Variants in GRIN2A observed in about 807,000 individuals in gnomAD.
GRIN2A encodes glutamate ionotropic receptor NMDA type subunit 2A.
Under a neutral mutation model 113.4 loss-of-function variants are expected in GRIN2A, and 22 were observed. That is an observed-to-expected ratio of 0.19 (90% CI 0.14 to 0.28). GRIN2A has a LOEUF of 0.28. Among genes scored for constraint, GRIN2A ranks in the 10% least tolerant of loss-of-function variants. The pLI, the probability that GRIN2A is intolerant of heterozygous loss-of-function variation, is 1.00. For synonymous variants in GRIN2A, 827 were observed against 738.4 expected, an observed-to-expected ratio of 1.12 and a Z score of -1.94; for missense variants, 1,502 against 1,887.0, an observed-to-expected ratio of 0.80 and a Z score of 3.78.
At chr16:10,119,910 G>T (rs1373599303) in intron 2 of GRIN2A, among the ~76,000 whole-genome samples, 2 of 152,166 alleles carry the variant, frequency 1.3e-5, no homozygotes, top group Non-Finnish European at 2.9e-5. Flanking sequence ...CAAAGTACAT[G>T]AGTTCATTCT....
intron 2 of GRIN2A, among the ~76,000 whole-genome samples, chr16:9,954,552 C>T (rs972890155): frequency 6.6e-5 from 10 of 152,306 alleles, no homozygotes; most frequent in East Asian, 1.9e-4. Flanking sequence ...CCATTAAACA[C>T]TCACCTCATT....
chr16:9,960,702 G>A (rs1567201741), intron 2 of GRIN2A, among the ~76,000 whole-genome samples: 1 of 152,178 alleles, frequency 6.6e-6, no homozygotes, highest in East Asian at 1.9e-4. Context: ...TCAGCTCCCT[G>A]CAACCTCTGC....
At chr16:9,956,210 G>A (rs2045306285) in intron 2 of GRIN2A, among the ~76,000 whole-genome samples, 1 of 152,064 alleles carries the variant, frequency 6.6e-6, no homozygotes, top group Admixed American at 6.5e-5. Flanking sequence ...CTGTCCTGTG[G>A]GCTTTCTTGT....
At chr16:9,993,237 A>G (rs554563493) in intron 2 of GRIN2A, among the ~76,000 whole-genome samples, 124 of 152,154 alleles carry the variant, frequency 8.1e-4, no homozygotes, top group Middle Eastern at 3.4e-3. Flanking sequence ...TGTCTCAAAA[A>G]TAAATAAATA....
At chr16:10,088,508 C>G (rs1487610623) in intron 2 of GRIN2A, among the ~76,000 whole-genome samples, 2 of 152,224 alleles carry the variant, frequency 1.3e-5, no homozygotes, top group Non-Finnish European at 2.9e-5. Flanking sequence ...TGCGGCATCT[C>G]TTAATCTGTG....
At chr16:10,114,237 T>C (rs1284811196) in intron 2 of GRIN2A, among the ~76,000 whole-genome samples, 2 of 152,086 alleles carry the variant, frequency 1.3e-5, no homozygotes, top group Non-Finnish European at 2.9e-5. Flanking sequence ...AAATCCTTCA[T>C]AAAACCACAC....
At chr16:10,056,397 C>T (rs1312597164) in intron 2 of GRIN2A, among the ~76,000 whole-genome samples, 2 of 152,268 alleles carry the variant, frequency 1.3e-5, no homozygotes, top group African/African-American at 4.8e-5. Flanking sequence ...TCCTCTTCCC[C>T]TTCCAGCCAG....
At chr16:10,056,884 T>C (rs528395195) in intron 2 of GRIN2A, among the ~76,000 whole-genome samples, 3 of 152,298 alleles carry the variant, frequency 2.0e-5, no homozygotes, top group South Asian at 4.2e-4. Flanking sequence ...CCTGTGGTTT[T>C]GAGCCACGAA....
chr16:9,768,817 G>T, intron 12 of GRIN2A, 34 bp downstream of exon 12: 1 of 1,424,022 alleles, frequency 7.0e-7, no homozygotes, highest in Non-Finnish European at 9.9e-7. Context: ...AAACCTGCTT[G>T]CAGTGCAAGA....
chr16:10,168,978 T>C (rs775068794), intron 2 of GRIN2A, among the ~76,000 whole-genome samples: 512 of 14,182 alleles, frequency 0.036, 2 homozygotes, highest in Non-Finnish European at 0.057. Flanking sequence ...ATAATAACAA[T>C]AATAATAATA....
At position 10,179,300 on chromosome 16, in the gene GRIN2A, C is replaced by T. The variant is rs374008347; in HGVS notation, c.414+698G>A. On this transcript the variant is annotated intron_variant, in intron 2 of 12. Coordinates refer to ENST00000330684, the MANE Select transcript of GRIN2A (RefSeq NM_001134407.3). ...GCCTTGGAGCCCCAGACAAAGAACA[C>T]GTAAGGAAAATGCCAGGCCCTCCAT... Among the ~76,000 whole-genome samples, 7 of 152,288 alleles carry T rather than the reference C, an allele frequency of 4.6e-5. No homozygotes were observed. The East Asian group carries it at 5.8e-4, about 13-fold the overall frequency.
rs2142387087 is a variant in GRIN2A, at chr16:10,179,982, C to T, written c.414+16G>A. The stretch of plus-strand genomic sequence containing the variant: ...GGCTTCCCAGGTCCTGGCAGGGCAT[C>T]AGTTTCCGGCCTTACCTTGTCAGCC... On this transcript the variant is annotated intron_variant, in intron 2 of 12. Transcript: ENST00000330684. The T allele has an allele frequency of 6.2e-7, 1 of 1,610,598 alleles. No homozygotes were observed. Among genetic ancestry groups the T allele is most frequent in the Non-Finnish European group, 8.5e-7 (1 of 1,177,320 alleles).
At chr16:9,864,853 A>G (rs1438248038) in intron 4 of GRIN2A, among the ~76,000 whole-genome samples, 1 of 152,120 alleles carries the variant, frequency 6.6e-6, no homozygotes, top group African/African-American at 2.4e-5. Flanking sequence ...AAAATAATAA[A>G]TTTAAGTTTT....
At chr16:10,164,509 T>C (rs923052086) in intron 2 of GRIN2A, among the ~76,000 whole-genome samples, 1 of 152,188 alleles carries the variant, frequency 6.6e-6, no homozygotes. Flanking sequence ...AGTCTCTACC[T>C]AGACTCCTGG....
chr16:10,002,471 T>G (rs1184468987), intron 2 of GRIN2A, among the ~76,000 whole-genome samples: 3 of 152,200 alleles, frequency 2.0e-5, no homozygotes, highest in African/African-American at 7.2e-5. Flanking sequence ...GGAGGCTGAA[T>G]GACCGGTTTC....
At chr16:9,829,870 A>G (rs2042456786) in intron 8 of GRIN2A, among the ~76,000 whole-genome samples, 2 of 152,088 alleles carry the variant, frequency 1.3e-5, no homozygotes, top group Admixed American at 1.3e-4. Flanking sequence ...TTTTTGCCAC[A>G]TTTCTTTAAA....
intron 11 of GRIN2A, among the ~76,000 whole-genome samples, chr16:9,789,553 TACACACACACACACAC>T (rs71157785): frequency 3.3e-5 from 5 of 149,502 alleles, no homozygotes; most frequent in South Asian, 2.2e-4. Flanking sequence ...GAAACATACA[TACACACACACACACAC>T]ACACACACAC....
chr16:9,929,570 A>G (rs2044542028), intron 3 of GRIN2A, among the ~76,000 whole-genome samples: 1 of 152,142 alleles, frequency 6.6e-6, no homozygotes, highest in Non-Finnish European at 1.5e-5. Flanking sequence ...GACCTGTGCT[A>G]TGATCTCCCA....
intron 2 of GRIN2A, among the ~76,000 whole-genome samples, chr16:10,048,828 C>T (rs1396721751): frequency 6.6e-6 from 1 of 152,158 alleles, no homozygotes; most frequent in East Asian, 1.9e-4. Context: ...TCCATCTCAA[C>T]CTTGGAGGGT....
Sources: gnomAD v4.1 joint callset for allele counts (sites outside exome capture counted in the v4.1 genomes callset) on GRCh38, gnomAD v4.1.1 for gene constraint, MANE v1.5 for transcripts, NCBI Gene and HGNC (gene_info 2026-07-23, HGNC 2026-07-21) for gene names.